The following BICD1 variants were observed in gnomAD, a reference collection of about 807,000 sequenced individuals.
The protein encoded by BICD1 is BICD cargo adaptor 1.
A neutral mutation model predicts 92.5 loss-of-function variants in BICD1; 35 were observed. The ratio of observed to expected loss-of-function variants is 0.38; its 90% CI spans 0.29 to 0.50. BICD1 has a LOEUF of 0.50. Among genes scored for constraint, BICD1 ranks in the 20% least tolerant of loss-of-function variants. The probability of loss-of-function intolerance (pLI) is 0.93; values close to 1 mark genes in which losing one functional copy is unlikely to be tolerated. For synonymous variants in BICD1, 429 were observed against 465.1 expected (o/e 0.92, Z 1.00); for missense variants, 950 against 1,189.8 (o/e 0.80, Z 2.97).
intron 4 of BICD1, among the ~76,000 whole-genome samples, chr12:32,317,775 AAG>A (rs1948542598): frequency 6.6e-6 from 1 of 152,096 alleles, no homozygotes; most frequent in South Asian, 2.1e-4. Context: ...TTTAGACATG[AAG>A]TCCTTGCCCG....
chr12:32,198,807 G>C (rs1944814750), intron 1 of BICD1, among the ~76,000 whole-genome samples: 1 of 152,062 alleles, frequency 6.6e-6, no homozygotes, highest in African/African-American at 2.4e-5. Flanking sequence ...CATCACAAAA[G>C]AGTCATTAGA....
intron 1 of BICD1, among the ~76,000 whole-genome samples, chr12:32,140,953 A>G (rs565463491): frequency 6.6e-6 from 1 of 152,318 alleles, no homozygotes; most frequent in South Asian, 2.1e-4. Flanking sequence ...TCTTCCGTAG[A>G]ACGTACGTGT....
rs1466550355 is a variant in BICD1, at chr12:32,292,933, T to TACTTGCC, written c.427-1060_427-1059insCTTGCCA. Among the ~76,000 whole-genome samples, 5 of 152,212 alleles carry TACTTGCC rather than the reference T, an allele frequency of 3.3e-5. No individual in the cohort carries two copies. In the East Asian group the frequency reaches 9.6e-4, roughly 29 times the overall value. On this transcript the variant is annotated intron_variant, in intron 2 of 9. Transcript: ENST00000652176. The stretch of plus-strand genomic sequence containing the variant: ...ATAGCTTATACTTGCCATATAAGTT[T>TACTTGCC]ATGGAAAAAGTTAAATATTTTACTT...
intron 8 of BICD1, among the ~76,000 whole-genome samples, chr12:32,342,164 ATGTATATATATATGTG>A (rs1565684440): frequency 2.1e-5 from 3 of 140,304 alleles, no homozygotes. Context: ...GTGTATATAT[ATGTATATATATATGTG>A]TGTATATATA....
chr12:32,108,542 T>A (rs1941578034), intron 1 of BICD1: 7 of 587,256 alleles, frequency 1.2e-5, no homozygotes, highest in Non-Finnish European at 1.8e-5. Flanking sequence ...ACTCCTTTTC[T>A]GTGTGTCAAG....
intron 1 of BICD1, among the ~76,000 whole-genome samples, chr12:32,156,491 A>G (rs932719679): frequency 3.9e-5 from 6 of 152,220 alleles, no homozygotes; most frequent in African/African-American, 7.2e-5. Flanking sequence ...ATATGCTTAC[A>G]GTAATTGAAG....
intron 2 of BICD1, among the ~76,000 whole-genome samples, chr12:32,234,591 C>T (rs1299244404): frequency 5.1e-5 from 7 of 136,350 alleles, no homozygotes; most frequent in Non-Finnish European, 1.1e-4. Flanking sequence ...AGCAAAACTC[C>T]GTCTCAAAAA....
At chr12:32,108,945 C>G (rs955282595) in intron 1 of BICD1, 5 of 370,828 alleles carry the variant, frequency 1.3e-5, no homozygotes, top group African/African-American at 1.0e-4. Context: ...GATGCTAAAC[C>G]TTGTGAAGTG....
chr12:32,112,500 C>T (rs1158403362), intron 1 of BICD1, among the ~76,000 whole-genome samples: 3 of 152,222 alleles, frequency 2.0e-5, no homozygotes, highest in Admixed American at 6.5e-5. Flanking sequence ...TATAGTTGTA[C>T]TCATGGATAT....
intron 1 of BICD1, among the ~76,000 whole-genome samples, chr12:32,112,512 G>A (rs1345864684): frequency 1.3e-5 from 2 of 152,046 alleles, no homozygotes; most frequent in Non-Finnish European, 2.9e-5. Context: ...CATGGATATT[G>A]CTTTCCAAAT....
At chr12:32,255,340 A>G (rs780348393) in intron 2 of BICD1, among the ~76,000 whole-genome samples, 27 of 152,050 alleles carry the variant, frequency 1.8e-4, no homozygotes, top group Non-Finnish European at 3.2e-4. Context: ...GGGCTTCAAC[A>G]TAGGAGTTTG....
At chr12:32,286,598 T>C (rs578088610) in intron 2 of BICD1, among the ~76,000 whole-genome samples, 2 of 152,276 alleles carry the variant, frequency 1.3e-5, no homozygotes, top group South Asian at 2.1e-4. Context: ...CTTGACAATA[T>C]ATTAGAGAAG....
At chr12:32,233,481 T>C (rs912869240) in intron 2 of BICD1, among the ~76,000 whole-genome samples, 1 of 152,068 alleles carries the variant, frequency 6.6e-6, no homozygotes, top group Admixed American at 6.6e-5. Context: ...AGCATATATA[T>C]AAGGATTTCT....
Position 32,310,004 on chromosome 12 carries a change from C to T in BICD1, c.1005+3882C>T, listed in dbSNP as rs144603367. 5.9e-3 allele frequency among the ~76,000 whole-genome samples: 894 copies of T among 152,212 alleles called. 7 individuals carry two copies. The highest frequency in any genetic ancestry group is 8.5e-3 in the Non-Finnish European group (577 of 68,022). On this transcript the variant is annotated intron_variant, in intron 4 of 9. Transcript: ENST00000652176. ...CCAAAACACTGCATGGGAGAGGCCG[C>T]CTTGTGCCTCTAATCCAACAGCTGT...
At chr12:32,349,444 C>T (rs1198336049) in intron 8 of BICD1, among the ~76,000 whole-genome samples, 1 of 152,118 alleles carries the variant, frequency 6.6e-6, no homozygotes, top group Non-Finnish European at 1.5e-5. Context: ...ACTTCCCTGT[C>T]CATTTCTCCT....
chr12:32,189,696 TA>T (rs1277804148), intron 1 of BICD1, among the ~76,000 whole-genome samples: 160 of 149,832 alleles, frequency 1.1e-3, no homozygotes, highest in African/African-American at 3.9e-3. Flanking sequence ...AAAAGTGTAG[TA>T]ATTTTTTTTT....
Position 32,238,800 on chromosome 12 carries a change from G to T in BICD1, c.426+22341G>T, listed in dbSNP as rs1369518520. 5.9e-5 allele frequency among the ~76,000 whole-genome samples: 9 copies of T among 151,628 alleles called. No homozygotes were observed. The South Asian group carries it at 6.2e-4, about 11-fold the overall frequency. The stretch of plus-strand genomic sequence containing the variant: ...TTTCTACTAAAAATACAAAAAATTA[G>T]CCGGGCATGGTGGCACGCCTGTAAT... On this transcript the variant is annotated intron_variant, in intron 2 of 9. Transcript: ENST00000652176.
At chr12:32,227,949 C>T (rs945307959) in intron 2 of BICD1, 15 of 200,072 alleles carry the variant, frequency 7.5e-5, no homozygotes, top group Non-Finnish European at 1.1e-4. Flanking sequence ...AAAGGCATCA[C>T]GAAGGCTTCA....
At chr12:32,283,933 G>A (rs980582019) in intron 2 of BICD1, among the ~76,000 whole-genome samples, 3 of 152,248 alleles carry the variant, frequency 2.0e-5, no homozygotes, top group Non-Finnish European at 4.4e-5. Flanking sequence ...AAGGTATGGA[G>A]AATAGCGGCC....
Sources: allele counts gnomAD v4.1 joint callset (sites outside exome capture counted in the v4.1 genomes callset), GRCh38; gene constraint gnomAD v4.1.1; transcripts MANE v1.5; gene names NCBI Gene and HGNC (gene_info 2026-07-23, HGNC 2026-07-21).